JPH1: variants seen among roughly 807,000 people sequenced by gnomAD.
The protein encoded by JPH1 is junctophilin-1.
A neutral mutation model predicts 53.6 loss-of-function variants in JPH1; 12 were observed. That is an observed-to-expected ratio of 0.22 (90% CI 0.14 to 0.36). The LOEUF (loss-of-function observed/expected upper bound fraction) is 0.36, where lower values mean the gene tolerates loss of function less well. Ranked by LOEUF, JPH1 falls within the 10% of genes least tolerant of loss-of-function variation. The pLI, the probability that JPH1 is intolerant of heterozygous loss-of-function variation, is 1.00. For missense variants in JPH1, 808 were observed against 905.5 expected (o/e 0.89, Z 1.38); for synonymous variants, 375 against 363.8 (o/e 1.03, Z -0.35).
At chr8:74,237,621 G>A (rs928781021) in intron 4 of JPH1, among the ~76,000 whole-genome samples, 2 of 152,198 alleles carry the variant, frequency 1.3e-5, no homozygotes, top group Non-Finnish European at 2.9e-5. Context: ...CAGGGCCTAC[G>A]AACGGCTGGG....
rs186771012 is a variant in JPH1 at position 74,247,446 on chromosome 8, G to A, written c.1259-2271C>T. ...CTGAAACAATTACATAAAATACAAAGTGCTTTTAACATCTTTGATCTAAAG... is the reference window on the plus strand; with the variant it reads ...CTGAAACAATTACATAAAATACAAAATGCTTTTAACATCTTTGATCTAAAG... On this transcript the variant is annotated intron_variant, in intron 3 of 5. Transcript: ENST00000342232. Among the ~76,000 whole-genome samples the A allele has an allele frequency of 1.8e-3, 268 of 152,280 alleles. 1 individual carries two copies. Among genetic ancestry groups the A allele is most frequent in the Non-Finnish European group, 2.4e-3 (163 of 68,016 alleles).
intron 3 of JPH1, among the ~76,000 whole-genome samples, chr8:74,253,070 C>T (rs1806113920): frequency 6.6e-6 from 1 of 152,068 alleles, no homozygotes; most frequent in Admixed American, 6.6e-5. Flanking sequence ...ACTCTCCACC[C>T]CAAATCAACA....
chr8:74,260,703 A>G (rs1806371704), intron 2 of JPH1, among the ~76,000 whole-genome samples: 1 of 152,056 alleles, frequency 6.6e-6, no homozygotes, highest in African/African-American at 2.4e-5. Context: ...AGCTCCTGGG[A>G]CCAAAACACG....
intron 3 of JPH1, among the ~76,000 whole-genome samples, chr8:74,255,835 C>A (rs550719069): frequency 2.6e-5 from 4 of 152,282 alleles, no homozygotes; most frequent in African/African-American, 9.6e-5. Context: ...ATCAAAACCA[C>A]AATGAGATAC....
chr8:74,265,606 T>C (rs1213880459), intron 2 of JPH1, among the ~76,000 whole-genome samples: 1 of 152,212 alleles, frequency 6.6e-6, no homozygotes, highest in Admixed American at 6.5e-5. Context: ...AGGTCCTTTA[T>C]AATGAGGGTC....
rs759169906 is a variant in JPH1, at chr8:74,315,275, T to C, written c.725A>G (p.Asp242Gly). Residue 242 changes from aspartate (D) to glycine (G), a missense_variant, in exon 2 of 6, where the codon GAC becomes GGC. Around this residue, in one of 2 missense-constraint regions of JPH1, gnomAD observed 756 missense variants for 811.9 expected, o/e 0.93. Transcript: ENST00000342232. This position sits in a 1 kb window ranked among gnomAD's most constrained non-coding sequence, Gnocchi z 6.3. ...ISSKRSSVRSDAAMSRISSSD... is the reference protein window; with the variant it reads ...ISSKRSSVRSGAAMSRISSSD... ...GGAACTAATTCTGCTCATGGCCGCGTCGCTGCGGACAGAGCTGCGCTTGCT... is the reference window on the plus strand; with the variant it reads ...GGAACTAATTCTGCTCATGGCCGCGCCGCTGCGGACAGAGCTGCGCTTGCT... 2 of 1,614,000 alleles carry C rather than the reference T, an allele frequency of 1.2e-6. No individual in the cohort carries two copies.
chr8:74,253,161 A>T (rs1006000635), intron 3 of JPH1, among the ~76,000 whole-genome samples: 3 of 152,148 alleles, frequency 2.0e-5, no homozygotes, highest in African/African-American at 7.3e-5. Context: ...TCCTCAGCAA[A>T]TGTAAAAGAA....
chr8:74,316,555 A>C (rs1356870964), intron 1 of JPH1, among the ~76,000 whole-genome samples: 1 of 152,228 alleles, frequency 6.6e-6, no homozygotes. Flanking sequence ...GTGGCTAAAA[A>C]GTATACCCTT....
intron 2 of JPH1, among the ~76,000 whole-genome samples, chr8:74,274,714 T>C (rs1041005982): frequency 6.6e-6 from 1 of 152,230 alleles, no homozygotes; most frequent in African/African-American, 2.4e-5. Flanking sequence ...TGTTGAGGGC[T>C]TGTAAACTTT....
chr8:74,309,423 TTCTA>T (rs904779765), intron 2 of JPH1, among the ~76,000 whole-genome samples: 1 of 152,192 alleles, frequency 6.6e-6, no homozygotes. Context: ...CTCCTACATC[TTCTA>T]TCTTCTTGCA....
chr8:74,241,411 T>A (rs1336844412), intron 4 of JPH1, among the ~76,000 whole-genome samples: 4 of 152,208 alleles, frequency 2.6e-5, no homozygotes, highest in African/African-American at 9.7e-5. Flanking sequence ...GTCTTGCTTT[T>A]CAAGACTGAC....
intron 2 of JPH1, among the ~76,000 whole-genome samples, chr8:74,294,620 T>C (rs999255769): frequency 6.6e-6 from 1 of 152,230 alleles, no homozygotes; most frequent in East Asian, 1.9e-4. Flanking sequence ...TCAAGCTGCA[T>C]TGCTAGTTGT....
Position 74,314,906 on chromosome 8 carries a change from C to T in JPH1, c.1094G>A (p.Arg365Lys). The T allele has an allele frequency of 6.2e-7, 1 of 1,614,196 alleles. No individual in the cohort carries two copies. Among genetic ancestry groups the T allele is most frequent in the Non-Finnish European group, 8.5e-7 (1 of 1,180,052 alleles). Residue 365 changes from arginine (R) to lysine (K), a missense_variant, in exon 2 of 6, where the codon AGG becomes AAG. Arg to Lys is a conservative substitution (Grantham distance 26). Transcript: ENST00000342232. Reference protein sequence around the residue: ...KVDRAIEGAQRAAAMARTKVE... With the variant: ...KVDRAIEGAQKAAAMARTKVE... ...TTTGGTTCTGGCCATGGCAGCTGCC[C>T]TTTGGGCGCCTTCAATTGCTCTGTC...
At chr8:74,264,267 T>C (rs144445856) in intron 2 of JPH1, among the ~76,000 whole-genome samples, 8 of 152,352 alleles carry the variant, frequency 5.3e-5, no homozygotes, top group African/African-American at 1.7e-4. Flanking sequence ...TGAACCCATC[T>C]TCACCATCTA....
chr8:74,288,760 T>C lies in JPH1; in HGVS notation c.1139+26101A>G, dbSNP rs1807240234. 3.9e-5 allele frequency among the ~76,000 whole-genome samples: 6 copies of C among 152,372 alleles called. No individual in the cohort carries two copies. In the South Asian group the frequency reaches 1.0e-3, roughly 26 times the overall value. On this transcript the variant is annotated intron_variant, in intron 2 of 5. Coordinates refer to ENST00000342232, the MANE Select transcript of JPH1 (RefSeq NM_020647.4). ...AAGTAACTGCAGTTTTTGCAATTAA[T>C]TAGGTTGGCGCAAAAATAGCAATTA...
chr8:74,270,671 T>G (rs1037337825), intron 2 of JPH1, among the ~76,000 whole-genome samples: 2 of 152,194 alleles, frequency 1.3e-5, no homozygotes, highest in African/African-American at 4.8e-5. Context: ...CAAGTCAGGA[T>G]TCAAGCCAAC....
At chr8:74,308,453 A>G (rs560896805) in intron 2 of JPH1, among the ~76,000 whole-genome samples, 2 of 152,350 alleles carry the variant, frequency 1.3e-5, no homozygotes, top group South Asian at 4.1e-4. Flanking sequence ...CATCTTTAAA[A>G]TGTGGTTTTG....
At chr8:74,273,827 C>G (rs190026245) in intron 2 of JPH1, among the ~76,000 whole-genome samples, 3 of 152,116 alleles carry the variant, frequency 2.0e-5, no homozygotes, top group African/African-American at 7.2e-5. Flanking sequence ...TTTAACCAGT[C>G]TTCTTTCTTA....
intron 2 of JPH1, among the ~76,000 whole-genome samples, chr8:74,282,975 G>A (rs28430398): frequency 0.32 from 49,280 of 152,012 alleles, 8,544 homozygotes; most frequent in South Asian, 0.45. Flanking sequence ...GAATTTAAAT[G>A]GGTATAATAT....
Sources: allele counts gnomAD v4.1 joint callset (sites outside exome capture counted in the v4.1 genomes callset), GRCh38; gene constraint gnomAD v4.1.1; regional missense constraint gnomAD v4.1.1; non-coding constraint Gnocchi (gnomAD v3.1); transcripts MANE v1.5; gene names NCBI Gene and HGNC (gene_info 2026-07-23, HGNC 2026-07-21).